Variants in DIPK1A observed in about 807,000 individuals in gnomAD.
DIPK1A encodes family with sequence similarity 69 member A.
Under a neutral mutation model 40.8 loss-of-function variants are expected in DIPK1A, and 27 were observed. The ratio of observed to expected loss-of-function variants is 0.66; its 90% confidence interval spans 0.49 to 0.91. The LOEUF (loss-of-function observed/expected upper bound fraction) is 0.91. DIPK1A is among the 40% of genes least tolerant of loss of function. DIPK1A has a pLI of 0.00. For synonymous variants in DIPK1A, 166 were observed against 171.3 expected, an observed-to-expected ratio of 0.97 and a Z score of 0.24; for missense variants, 412 against 505.7, an observed-to-expected ratio of 0.81 and a Z score of 1.78.
Position 92,950,211 on chromosome 1 carries a change from T to C in DIPK1A, c.54+11165A>G, listed in dbSNP as rs1334842678. Among the ~76,000 whole-genome samples, 3 of 151,742 alleles carry C rather than the reference T, an allele frequency of 2.0e-5. No homozygotes were observed. In the East Asian group the frequency reaches 5.8e-4, roughly 29 times the overall value. On this transcript the variant is annotated intron_variant, in intron 1 of 4. Coordinates refer to ENST00000370310, the MANE Select transcript of DIPK1A (RefSeq NM_001006605.5). Reference sequence around the variant, plus strand: ...CAGATGAATGGGTATGGAGAGCAAATGGGGAAAGGACATTCTAAGGCAAAG... The same window carrying C: ...CAGATGAATGGGTATGGAGAGCAAACGGGGAAAGGACATTCTAAGGCAAAG...
At position 92,834,820 on chromosome 1, in the gene DIPK1A, A is replaced by C. The variant is rs1260303346; in HGVS notation, c.475-1786T>G. 6.2e-7 allele frequency: 1 copy of C among 1,612,814 alleles called. No individual in the cohort carries two copies. Among genetic ancestry groups the C allele is most frequent in the Admixed American group, 1.7e-5 (1 of 60,012 alleles). On this transcript the variant is annotated intron_variant, in intron 4 of 4. Coordinates refer to the DIPK1A transcript ENST00000615519. ...TAGAGGGGGATATGATAGTCTGCGC[A>C]GCGTATGCACACGAACTGCCAAAAT... is the stretch of plus-strand genomic sequence containing the variant.
At chr1:92,866,999 C>T (rs566674110) in intron 2 of DIPK1A, among the ~76,000 whole-genome samples, 20 of 152,016 alleles carry the variant, frequency 1.3e-4, no homozygotes, top group Non-Finnish European at 2.6e-4. Flanking sequence ...GACTGAAGGG[C>T]GGAACTTGAG....
chr1:92,955,550 T>C (rs1211988942), intron 1 of DIPK1A, among the ~76,000 whole-genome samples: 2 of 150,922 alleles, frequency 1.3e-5, no homozygotes. Flanking sequence ...CACAAAAAAT[T>C]AGCCAGGAGT....
intron 1 of DIPK1A, 62 bp from the exon 2 acceptor site, chr1:92,876,492 A>G: frequency 6.4e-7 from 1 of 1,551,580 alleles, no homozygotes; most frequent in African/African-American, 1.4e-5. Context: ...TCAATGTCCT[A>G]GAACACGACT....
intron 2 of DIPK1A, among the ~76,000 whole-genome samples, chr1:92,868,839 G>A (rs1357723614): frequency 3.3e-5 from 5 of 151,802 alleles, no homozygotes; most frequent in African/African-American, 1.2e-4. Context: ...GGTGGCAGGC[G>A]CCTGTAATCC....
intron 1 of DIPK1A, among the ~76,000 whole-genome samples, chr1:92,908,288 A>T (rs1383550065): frequency 6.6e-6 from 1 of 152,160 alleles, no homozygotes; most frequent in East Asian, 1.9e-4. Context: ...AAAAAATTAG[A>T]GTGAGAAAAG....
At chr1:92,844,459 C>CAT (rs1687507763) in intron 4 of DIPK1A, among the ~76,000 whole-genome samples, 1 of 152,204 alleles carries the variant, frequency 6.6e-6, no homozygotes, top group South Asian at 2.1e-4. Flanking sequence ...CTGTCCCCTT[C>CAT]AGGCCCCTTA....
intron 1 of DIPK1A, among the ~76,000 whole-genome samples, chr1:92,921,092 C>A (rs1402278369): frequency 1.3e-5 from 2 of 152,086 alleles, no homozygotes; most frequent in Non-Finnish European, 2.9e-5. Context: ...TTGGAGGAAG[C>A]CGGTTTCCAC....
At chr1:92,846,516 A>T (rs1438121151) in intron 4 of DIPK1A, 1 of 331,464 alleles carries the variant, frequency 3.0e-6, no homozygotes, top group Non-Finnish European at 6.2e-6. Context: ...ATTAATTTTC[A>T]TGTCAAACTG....
intron 1 of DIPK1A, among the ~76,000 whole-genome samples, chr1:92,897,674 T>C (rs959719664): frequency 6.6e-6 from 1 of 151,740 alleles, no homozygotes; most frequent in African/African-American, 2.4e-5. Flanking sequence ...AAATTTCCTT[T>C]TTCATTTCTT....
chr1:92,932,206 C>G (rs939608768), intron 1 of DIPK1A: 2 of 169,046 alleles, frequency 1.2e-5, no homozygotes, highest in Non-Finnish European at 2.6e-5. Context: ...TTTGGGAGGC[C>G]GAGGCGGGCA....
chr1:92,885,203 G>GCA (rs1648541196), intron 1 of DIPK1A, among the ~76,000 whole-genome samples: 1 of 152,154 alleles, frequency 6.6e-6, no homozygotes, highest in African/African-American at 2.4e-5. Context: ...AAGGACTGTG[G>GCA]TTGCTCAGGG....
downstream of DIPK1A, chr1:92,840,658 T>G: frequency 6.3e-7 from 1 of 1,586,082 alleles, no homozygotes; most frequent in Non-Finnish European, 8.6e-7. Context: ...TCTTTTTTTT[T>G]GTCTTTTCAA....
At chr1:92,920,226 G>A (rs527403294) in intron 1 of DIPK1A, among the ~76,000 whole-genome samples, 2 of 152,202 alleles carry the variant, frequency 1.3e-5, no homozygotes, top group Non-Finnish European at 2.9e-5. Context: ...CATGTGTCAA[G>A]GGCGTGGCCA....
At chr1:92,899,363 T>C (rs1649315071) in intron 1 of DIPK1A, among the ~76,000 whole-genome samples, 1 of 152,232 alleles carries the variant, frequency 6.6e-6, no homozygotes, top group African/African-American at 2.4e-5. Context: ...TAAGCATAGC[T>C]ACTTCTGCTC....
intron 4 of DIPK1A, chr1:92,836,654 G>T: frequency 2.1e-6 from 1 of 465,912 alleles, no homozygotes; most frequent in East Asian, 4.3e-5. Flanking sequence ...ACTACCTTTT[G>T]CATATGACTT....
At chr1:92,902,462 C>A (rs79925719) in intron 1 of DIPK1A, among the ~76,000 whole-genome samples, 94 of 152,244 alleles carry the variant, frequency 6.2e-4, no homozygotes, top group Non-Finnish European at 1.2e-3. Context: ...GACACAGTAC[C>A]GGCTCCAAGA....
chr1:92,894,702 A>C (rs908715789), intron 1 of DIPK1A, among the ~76,000 whole-genome samples: 14 of 152,144 alleles, frequency 9.2e-5, no homozygotes, highest in African/African-American at 3.1e-4. Context: ...TCAAAAATTC[A>C]ATGAATCCAG....
chr1:92,954,299 CAAAA>C (rs201689835), intron 1 of DIPK1A, among the ~76,000 whole-genome samples: 4 of 118,234 alleles, frequency 3.4e-5, no homozygotes, highest in African/African-American at 9.1e-5. Flanking sequence ...CCCTGTCTCA[CAAAA>C]AAAAAAATAA....
Sources: allele counts gnomAD v4.1 joint callset (sites outside exome capture counted in the v4.1 genomes callset), GRCh38; gene constraint gnomAD v4.1.1; transcripts MANE v1.5; gene names NCBI Gene and HGNC (gene_info 2026-07-23, HGNC 2026-07-21).